SH3PXD2A: variants seen among roughly 807,000 people sequenced by gnomAD.
The protein encoded by SH3PXD2A is SH3 and PX domain-containing protein 2A.
SH3PXD2A carries 32 observed loss-of-function variants against 115.2 expected under a neutral mutation model. The observed-to-expected ratio is 0.28, with a 90% CI of 0.21 to 0.37. The LOEUF is 0.37. SH3PXD2A is among the 10% of genes least tolerant of loss of function. The probability of loss-of-function intolerance (pLI) is 1.00; values close to 1 mark genes in which losing one functional copy is unlikely to be tolerated. For synonymous variants in SH3PXD2A, 610 were observed against 629.1 expected (o/e 0.97, Z 0.45); for missense variants, 1,328 against 1,498.7 (o/e 0.89, Z 1.88).
At chr10:103,663,445 C>G (rs2037340804) in intron 7 of SH3PXD2A, among the ~76,000 whole-genome samples, 1 of 152,264 alleles carries the variant, frequency 6.6e-6, no homozygotes, top group Admixed American at 6.5e-5. Context: ...GCCCATCTGT[C>G]TTTCCATTGC....
intron 1 of SH3PXD2A, 67 bp downstream of exon 1, chr10:103,855,128 G>A (rs939442982): frequency 6.2e-5 from 75 of 1,211,376 alleles, no homozygotes; most frequent in Non-Finnish European, 8.3e-5. Flanking sequence ...GGAGGGGCAA[G>A]GGGCCATCCG....
intron 8 of SH3PXD2A, among the ~76,000 whole-genome samples, chr10:103,656,681 T>C (rs2037217069): frequency 6.6e-6 from 1 of 151,930 alleles, no homozygotes; most frequent in Non-Finnish European, 1.5e-5. Flanking sequence ...AATACAAAAA[T>C]TAGTCAGCCG....
intron 4 of SH3PXD2A, among the ~76,000 whole-genome samples, chr10:103,728,360 G>A (rs927979909): frequency 2.0e-5 from 3 of 152,218 alleles, no homozygotes; most frequent in Admixed American, 6.5e-5. Flanking sequence ...TAGTGTCATC[G>A]CTGCCATTGT....
chr10:103,834,494 C>T (rs1047572437), intron 1 of SH3PXD2A, among the ~76,000 whole-genome samples: 1 of 152,214 alleles, frequency 6.6e-6, no homozygotes, highest in Admixed American at 6.5e-5. Context: ...CTGAAATTGA[C>T]TGTGGTGGCT....
At chr10:103,819,631 G>A (rs1381755396) in intron 1 of SH3PXD2A, among the ~76,000 whole-genome samples, 1 of 152,158 alleles carries the variant, frequency 6.6e-6, no homozygotes, top group Non-Finnish European at 1.5e-5. Flanking sequence ...TGTTTCTTCG[G>A]TGGAGAACTT....
intron 1 of SH3PXD2A, among the ~76,000 whole-genome samples, chr10:103,829,697 C>G (rs952556567): frequency 2.6e-5 from 4 of 152,172 alleles, no homozygotes; most frequent in Non-Finnish European, 4.4e-5. Flanking sequence ...ATGCGCATAA[C>G]ATAGGACCTA....
chr10:103,708,186 C>A (rs182215499), intron 5 of SH3PXD2A, among the ~76,000 whole-genome samples: 4 of 152,236 alleles, frequency 2.6e-5, no homozygotes, highest in Admixed American at 6.5e-5. Context: ...TTCCTGATAA[C>A]CTTTGTTGGC....
chr10:103,668,919 A>G (rs2037421830), intron 6 of SH3PXD2A, among the ~76,000 whole-genome samples: 1 of 152,268 alleles, frequency 6.6e-6, no homozygotes, highest in African/African-American at 2.4e-5. Context: ...TTCGGAGCAC[A>G]GAGAATCCCA....
At chr10:103,673,048 C>T (rs1297338546) in intron 6 of SH3PXD2A, 3 of 152,314 alleles carry the variant, frequency 2.0e-5, no homozygotes. Context: ...AACCAAAGAA[C>T]AACACTGCAG....
Position 103,601,793 on chromosome 10 carries a change from G to A in SH3PXD2A, c.*23C>T. 2 of 1,521,114 alleles carry A rather than the reference G, an allele frequency of 1.3e-6. No individual in the cohort carries two copies. Among genetic ancestry groups the A allele is most frequent in the Non-Finnish European group, 1.8e-6 (2 of 1,131,584 alleles). The allele number at this position is 1,521,114 out of a possible 1,614,324, so 94.2% of individuals were successfully genotyped here. Reference sequence around the variant, plus strand: ...TGGGCGGCCAGAGAGGCACACTGAGGCTGGAAGAGCCCAGGCCCTCTGCTA... The same window carrying A: ...TGGGCGGCCAGAGAGGCACACTGAGACTGGAAGAGCCCAGGCCCTCTGCTA... On this transcript the variant is annotated 3_prime_UTR_variant, in exon 15 of 15. Coordinates refer to ENST00000369774, the MANE Select transcript of SH3PXD2A (RefSeq NM_001394015.1).
chr10:103,604,008 T>C (rs73331471), intron 14 of SH3PXD2A, among the ~76,000 whole-genome samples: 1 of 152,290 alleles, frequency 6.6e-6, no homozygotes, highest in African/African-American at 2.4e-5. Context: ...GGGTTCCCAC[T>C]TGCCAAGTTC....
intron 8 of SH3PXD2A, among the ~76,000 whole-genome samples, chr10:103,657,370 G>A (rs2037227186): frequency 6.6e-6 from 1 of 152,210 alleles, no homozygotes; most frequent in Non-Finnish European, 1.5e-5. Context: ...CAGAAATTAT[G>A]CCTGCTGGAG....
rs1460103312 is a variant in SH3PXD2A at position 103,665,074 on chromosome 10, C to T, written c.472+3534G>A. On this transcript the variant is annotated intron_variant, in intron 7 of 14. Transcript: ENST00000369774. This position sits in a 1 kb window ranked among gnomAD's most constrained non-coding sequence, Gnocchi z 4.0. ...ATAAGTGTGAAATGAACCAGTGAAA[C>T]GCGTGAACTGGCAGAAAGATGAACA... is the stretch of plus-strand genomic sequence containing the variant. 2.0e-5 allele frequency among the ~76,000 whole-genome samples: 3 copies of T among 152,140 alleles called. No homozygotes were observed. The highest frequency in any genetic ancestry group is 2.9e-5 in the Non-Finnish European group (2 of 68,030).
At chr10:103,849,991 G>T (rs1469094663) in intron 1 of SH3PXD2A, among the ~76,000 whole-genome samples, 1 of 152,078 alleles carries the variant, frequency 6.6e-6, no homozygotes, top group Non-Finnish European at 1.5e-5. Context: ...ACTTTTTCTG[G>T]CCAAGAAATA....
chr10:103,730,814 G>A, intron 4 of SH3PXD2A, among the ~76,000 whole-genome samples: 1 of 152,182 alleles, frequency 6.6e-6, no homozygotes, highest in Non-Finnish European at 1.5e-5. Context: ...CAGACACACA[G>A]AAGTTACCCT....
At chr10:103,707,486 C>T (rs575141687) in intron 5 of SH3PXD2A, among the ~76,000 whole-genome samples, 128 of 152,140 alleles carry the variant, frequency 8.4e-4, no homozygotes, top group African/African-American at 2.9e-3. Flanking sequence ...TGAGCCACCG[C>T]GCCAGGCTGT....
chr10:103,614,921 G>T (rs2036486003), intron 11 of SH3PXD2A, among the ~76,000 whole-genome samples: 1 of 152,200 alleles, frequency 6.6e-6, no homozygotes, highest in African/African-American at 2.4e-5. Flanking sequence ...AAACATGCAG[G>T]CAGGCTGAGC....
rs145211087 is a variant in SH3PXD2A at position 103,628,024 on chromosome 10, C to A, written c.605-822G>T. On this transcript the variant is annotated intron_variant, in intron 8 of 14. Coordinates refer to ENST00000369774, the MANE Select transcript of SH3PXD2A (RefSeq NM_001394015.1). ...CCTGTCTGGAGAGCTCAAGGCTTCTCCCCGGGCAGCACTGGAGGCCCCGTC... is the reference window on the plus strand; with the variant it reads ...CCTGTCTGGAGAGCTCAAGGCTTCTACCCGGGCAGCACTGGAGGCCCCGTC... 1.3e-4 allele frequency among the ~76,000 whole-genome samples: 20 copies of A among 152,336 alleles called. 2 individuals carry two copies. The South Asian group carries it at 4.1e-3, about 32-fold the overall frequency.
rs557881180 is a variant in SH3PXD2A, at chr10:103,622,472, C to T, written c.800G>A (p.Arg267Gln). 72 of 1,547,972 alleles carry T rather than the reference C, an allele frequency of 4.7e-5. No homozygotes were observed. In the East Asian group the frequency reaches 1.5e-3, roughly 32 times the overall value. ...LGGMVNRQHSREEKYVTVQPY... is the reference protein window; with the variant it reads ...LGGMVNRQHSQEEKYVTVQPY... ...GAGAAGCCAGCTCCCGCAGTCACCT[C>T]GGCTGTGCTGCCTGTTGACCATCCC... The change falls in exon 10 of 15, where the codon CGA becomes CAA. Residue 267 changes from arginine (R) to glutamine (Q), a missense_variant and splice_region_variant. This residue lies in a region of SH3PXD2A where 509 missense variants were observed against 628.3 expected (regional missense o/e 0.81). Coordinates refer to ENST00000369774, the MANE Select transcript of SH3PXD2A (RefSeq NM_001394015.1).
Sources: allele counts gnomAD v4.1 joint callset (sites outside exome capture counted in the v4.1 genomes callset), GRCh38; gene constraint gnomAD v4.1.1; regional missense constraint gnomAD v4.1.1; non-coding constraint Gnocchi (gnomAD v3.1); transcripts MANE v1.5; gene names NCBI Gene and HGNC (gene_info 2026-07-23, HGNC 2026-07-21).